The following GPR149 variants were observed in gnomAD, a reference collection of about 807,000 sequenced individuals.
GPR149 encodes the protein G protein-coupled receptor 149.
In GPR149, 50 loss-of-function variants were observed where a neutral mutation model predicts 50.2. The ratio of observed to expected loss-of-function variants is 1.00; its 90% CI spans 0.79 to 1.26. GPR149 has a LOEUF of 1.26. Ranked by LOEUF, GPR149 falls within the 50% of genes most tolerant of loss-of-function variation. The pLI, the probability that GPR149 is intolerant of heterozygous loss-of-function variation, is 0.00. For synonymous variants in GPR149, 405 were observed against 358.2 expected (o/e 1.13, Z -1.48); for missense variants, 983 against 895.4 (o/e 1.10, Z -1.25).
intron 3 of GPR149, among the ~76,000 whole-genome samples, chr3:154,413,670 A>T (rs1711905092): frequency 6.6e-6 from 1 of 151,630 alleles, no homozygotes; most frequent in South Asian, 2.1e-4. Context: ...GTTGACAGGG[A>T]TGTGGTAAAA....
chr3:154,340,831 C>T (rs1713773984), intron 3 of GPR149, among the ~76,000 whole-genome samples: 1 of 152,180 alleles, frequency 6.6e-6, no homozygotes, highest in Non-Finnish European at 1.5e-5. Flanking sequence ...AAGTGATTCT[C>T]CTGCCTCAGC....
chr3:154,335,587 C>T lies in GPR149; in HGVS notation c.*2112G>A, dbSNP rs886302645. 1 of 152,114 alleles carries T rather than the reference C, an allele frequency of 6.6e-6. No individual in the cohort carries two copies. The highest frequency in any genetic ancestry group is 1.5e-5 in the Non-Finnish European group (1 of 67,978). 9.4% of individuals were successfully genotyped at this position (152,114 alleles called of 1,614,324 possible). On this transcript the variant is annotated 3_prime_UTR_variant, in exon 4 of 4. Transcript: ENST00000389740. ...ATCCATTATACAGTTAATTCAACAACCAAGGGCAATTAAATGGGAATATCC... is the reference window on the plus strand; with the variant it reads ...ATCCATTATACAGTTAATTCAACAATCAAGGGCAATTAAATGGGAATATCC...
intron 3 of GPR149, among the ~76,000 whole-genome samples, chr3:154,383,733 T>C (rs1192747594): frequency 6.6e-6 from 1 of 151,998 alleles, no homozygotes; most frequent in Non-Finnish European, 1.5e-5. Flanking sequence ...CCCCCAAAAT[T>C]TGTATGTTGA....
intron 3 of GPR149, among the ~76,000 whole-genome samples, chr3:154,362,074 G>T (rs1349654950): frequency 6.6e-6 from 1 of 152,048 alleles, no homozygotes; most frequent in East Asian, 1.9e-4. Context: ...TGGATCATGA[G>T]GTCAGGAGAT....
intron 3 of GPR149, among the ~76,000 whole-genome samples, chr3:154,343,442 C>T (rs115357156): frequency 0.025 from 3,800 of 152,254 alleles, 59 homozygotes; most frequent in Non-Finnish European, 0.04. Context: ...ACTAGAAAGG[C>T]ATCCAGGAGG....
At chr3:154,338,921 G>T (rs1041377139) in intron 3 of GPR149, among the ~76,000 whole-genome samples, 3 of 151,990 alleles carry the variant, frequency 2.0e-5, no homozygotes, top group South Asian at 2.1e-4. Flanking sequence ...TTGCCTAAAA[G>T]GGTAAACATT....
intron 3 of GPR149, among the ~76,000 whole-genome samples, chr3:154,344,367 A>C (rs1396493071): frequency 6.6e-6 from 1 of 152,224 alleles, no homozygotes; most frequent in Non-Finnish European, 1.5e-5. Context: ...TCAAAAGTAA[A>C]AGGCAATAGT....
In GPR149 at chr3:154,428,837, C is replaced by T. The variant is rs1309431160; in HGVS notation, c.779G>A (p.Ser260Asn). Residue 260 changes from serine to asparagine, a missense_variant, in exon 1 of 4, where the codon AGT becomes AAT. Transcript: ENST00000389740. ...AGAGCATCCCCCAGAGCGCCGCAGA[C>T]TCGGGCCTGGAGCATCCTCTGGGGA... The part of the protein sequence containing the change: ...SLSPEDAPGP[S>N]LRRSGGCSPS... The T allele has an allele frequency of 1.2e-6, 2 of 1,613,680 alleles. No individual in the cohort carries two copies. The highest frequency in any genetic ancestry group is 1.1e-5 in the South Asian group (1 of 91,076).
chr3:154,424,922 T>C (rs933330269), intron 2 of GPR149, among the ~76,000 whole-genome samples: 1 of 151,442 alleles, frequency 6.6e-6, no homozygotes, highest in Admixed American at 6.6e-5. Flanking sequence ...TTATACAATG[T>C]GTTTGACATT....
intron 3 of GPR149, among the ~76,000 whole-genome samples, chr3:154,379,369 T>G (rs1056587515): frequency 1.3e-5 from 2 of 152,114 alleles, no homozygotes; most frequent in African/African-American, 4.8e-5. Flanking sequence ...ACAAAGTTAT[T>G]TGTTTACTTT....
At chr3:154,424,034 G>T (rs1712228038) in intron 2 of GPR149, among the ~76,000 whole-genome samples, 1 of 151,798 alleles carries the variant, frequency 6.6e-6, no homozygotes, top group Non-Finnish European at 1.5e-5. Context: ...CATCTAAGGA[G>T]GATTCTCAGC....
intron 3 of GPR149, among the ~76,000 whole-genome samples, chr3:154,389,270 C>T (rs1477427135): frequency 1.3e-5 from 2 of 152,072 alleles, no homozygotes; most frequent in African/African-American, 4.8e-5. Context: ...AATCCAGAAA[C>T]TAGTTACAAG....
chr3:154,387,489 T>C (rs1715072333), intron 3 of GPR149, among the ~76,000 whole-genome samples: 1 of 152,166 alleles, frequency 6.6e-6, no homozygotes, highest in African/African-American at 2.4e-5. Flanking sequence ...TCACGGTGTC[T>C]GAGGTTGAAA....
chr3:154,338,145 G>T lies in GPR149; in HGVS notation c.1750C>A (p.Pro584Thr). 6.2e-7 allele frequency: 1 copy of T among 1,614,138 alleles called. No individual in the cohort carries two copies. The highest frequency in any genetic ancestry group is 8.5e-7 in the Non-Finnish European group (1 of 1,180,008). ...TAGACTTCTATTTTCTTAGAGGCTG[G>T]AGTTATTTTTTGCCCTTCTGCGCTT... ...EVSAEGQKIT[P>T]ASKKIEVYRS... The change falls in exon 4 of 4, where the codon CCA becomes ACA. Residue 584 changes from proline to threonine, a missense_variant. Pro to Thr is a conservative substitution (Grantham distance 38, BLOSUM62 -1). Coordinates refer to ENST00000389740, the MANE Select transcript of GPR149 (RefSeq NM_001038705.3).
chr3:154,379,859 C>G (rs1714875419), intron 3 of GPR149, among the ~76,000 whole-genome samples: 1 of 151,896 alleles, frequency 6.6e-6, no homozygotes, highest in African/African-American at 2.4e-5. Flanking sequence ...GTTTTGAAGT[C>G]AGATAGTGTA....
At position 154,399,185 on chromosome 3, in the gene GPR149, G is replaced by T. The variant is rs549428425; in HGVS notation, c.1623+21854C>A. ...GTCTGGAGGAGGTTGAGAACCACTG[G>T]CTGGATTTATGATATTTTCCTATAG... On this transcript the variant is annotated intron_variant, in intron 3 of 3. Transcript: ENST00000389740. Among the ~76,000 whole-genome samples the T allele has an allele frequency of 6.9e-4, 105 of 152,104 alleles. 1 individual carries two copies. The highest frequency in any genetic ancestry group is 2.5e-3 in the African/African-American group (103 of 41,520).
chr3:154,390,832 T>C (rs1220192068), intron 3 of GPR149, among the ~76,000 whole-genome samples: 2 of 152,096 alleles, frequency 1.3e-5, no homozygotes, highest in African/African-American at 4.8e-5. Flanking sequence ...AAGTGACTCA[T>C]TCCATACAAG....
intron 3 of GPR149, among the ~76,000 whole-genome samples, chr3:154,355,163 G>T (rs1714188821): frequency 6.6e-6 from 1 of 152,120 alleles, no homozygotes; most frequent in Non-Finnish European, 1.5e-5. Context: ...GTGTAGCTGG[G>T]ATTACAGGTC....
intron 2 of GPR149, among the ~76,000 whole-genome samples, chr3:154,425,421 C>A (rs1392545610): frequency 6.6e-6 from 1 of 152,036 alleles, no homozygotes; most frequent in Non-Finnish European, 1.5e-5. Context: ...ACCTGGCCCA[C>A]CTAAGCATGT....
Sources: allele counts gnomAD v4.1 joint callset (sites outside exome capture counted in the v4.1 genomes callset), GRCh38; gene constraint gnomAD v4.1.1; transcripts MANE v1.5; gene names NCBI Gene and HGNC (gene_info 2026-07-23, HGNC 2026-07-21).